SPTB: variants seen among roughly 807,000 people sequenced by gnomAD.
The protein encoded by SPTB is spectrin beta, erythrocytic, also known as spectrin beta chain, erythrocytic.
In SPTB, 45 loss-of-function variants were observed where a neutral mutation model predicts 256.2. The ratio of observed to expected loss-of-function variants is 0.18; its 90% CI spans 0.14 to 0.23. SPTB has a LOEUF of 0.23. Ranked by LOEUF, SPTB falls within the 10% of genes least tolerant of loss-of-function variation. The probability of loss-of-function intolerance (pLI) is 1.00; values close to 1 mark genes in which losing one functional copy is unlikely to be tolerated. For synonymous variants in SPTB, 1,231 were observed against 1,243.1 expected, an observed-to-expected ratio of 0.99 and a Z score of 0.21; for missense variants, 2,715 against 3,040.4, an observed-to-expected ratio of 0.89 and a Z score of 2.52.
rs1408744606 is a variant in SPTB at position 64,784,269 on chromosome 14, C to A, written c.3980G>T (p.Gly1327Val). The A allele has an allele frequency of 1.2e-6, 2 of 1,614,236 alleles. No individual in the cohort carries two copies. The highest frequency in any genetic ancestry group is 1.7e-6 in the Non-Finnish European group (2 of 1,180,048). ...TACCGCATCGATGTTCTCTAGCCAC[C>A]CTTCATGGGAAGCCAGCTCTGCCAC... ...AFVAELASHE[G>V]WLENIDAEGK... Residue 1327 changes from glycine (G) to valine (V), a missense_variant, in exon 19 of 36, where the codon GGG becomes GTG. By Grantham distance (109) the Gly-to-Val change is moderately radical. This residue lies in a region of SPTB where 2,239 missense variants were observed against 2,384.4 expected (regional missense o/e 0.94). Transcript: ENST00000644917.
At chr14:64,766,265 T>A (rs751807290) in intron 32 of SPTB, 9 of 472,054 alleles carry the variant, frequency 1.9e-5, no homozygotes, top group Non-Finnish European at 2.7e-5. Context: ...GGTGTGTATT[T>A]GTGTGTGCAT....
Position 64,796,106 on chromosome 14 carries a change from T to C in SPTB, c.1341+451A>G, listed in dbSNP as rs1458755892. Among the ~76,000 whole-genome samples, 3 of 152,166 alleles carry C rather than the reference T, an allele frequency of 2.0e-5. No homozygotes were observed. The highest frequency in any genetic ancestry group is 7.2e-5 in the African/African-American group (3 of 41,442). ...CCTTTCTGGACAGAATCTAATTTGA[T>C]TCCAAGCTTTAAGTGAGAGGGAACA... On this transcript the variant is annotated intron_variant, in intron 11 of 35. Transcript: ENST00000644917. The surrounding 1 kb of genome is among the most constrained non-coding windows in gnomAD (Gnocchi z 4.1).
rs1003416189 is a variant in SPTB at position 64,847,915 on chromosome 14, C to T, written c.-51-24770G>A. Among the ~76,000 whole-genome samples the T allele has an allele frequency of 2.0e-5, 3 of 152,132 alleles. No individual in the cohort carries two copies. Among genetic ancestry groups the T allele is most frequent in the East Asian group, 1.9e-4 (1 of 5,198 alleles). ...CCACACCTCCGCTTCCTCCACTGTCCGTGGCCAGGTGATCGCATGCATCCT... is the reference window on the plus strand; with the variant it reads ...CCACACCTCCGCTTCCTCCACTGTCTGTGGCCAGGTGATCGCATGCATCCT... On this transcript the variant is annotated intron_variant, in intron 1 of 35. Coordinates refer to ENST00000644917, the MANE Select transcript of SPTB (RefSeq NM_001355436.2). The surrounding 1 kb of genome is among the most constrained non-coding windows in gnomAD (Gnocchi z 5.9).
At chr14:64,771,523 C>A (rs1324312547) in intron 26 of SPTB, among the ~76,000 whole-genome samples, 2 of 152,158 alleles carry the variant, frequency 1.3e-5, no homozygotes, top group African/African-American at 4.8e-5. Context: ...AAACGAGGCA[C>A]AAGGAAGCTA....
rs1308421552 is a variant in SPTB at position 64,853,760 on chromosome 14, T to C, written c.-52+26032A>G. 6.6e-6 allele frequency among the ~76,000 whole-genome samples: 1 copy of C among 152,206 alleles called. No homozygotes were observed. Among genetic ancestry groups the C allele is most frequent in the East Asian group, 1.9e-4 (1 of 5,206 alleles). On this transcript the variant is annotated intron_variant, in intron 1 of 35. Transcript: ENST00000644917. This position sits in a 1 kb window ranked among gnomAD's most constrained non-coding sequence, Gnocchi z 4.3. ...GAGAGGGAAGGATTGAAGATGCAGA[T>C]GTTCTGTGCAGCCCTGAAGTGTTTG...
rs1213885032 is a variant in SPTB, at chr14:64,779,311, C to G, written c.4474-65G>C. ...ACGGCCAACCTTTCCTGAGTGCTCA[C>G]CATGGGCGGCGCAGAGCTTTGCTGG... On this transcript the variant is annotated intron_variant, in intron 21 of 35. Coordinates refer to ENST00000644917, the MANE Select transcript of SPTB (RefSeq NM_001355436.2). This position sits in a 1 kb window ranked among gnomAD's most constrained non-coding sequence, Gnocchi z 4.2. The G allele has an allele frequency of 1.5e-6, 2 of 1,359,620 alleles. No individual in the cohort carries two copies. Among genetic ancestry groups the G allele is most frequent in the Non-Finnish European group, 2.1e-6 (2 of 962,618 alleles). 84.2% of individuals were successfully genotyped at this position (1,359,620 alleles called of 1,614,324 possible). A position where few individuals can be genotyped will look rare whatever the true frequency, so the allele number is the denominator to read the frequency against.
At chr14:64,868,659 G>A (rs1261542236) in intron 1 of SPTB, among the ~76,000 whole-genome samples, 5 of 152,158 alleles carry the variant, frequency 3.3e-5, no homozygotes, top group Admixed American at 3.3e-4. Context: ...AAAAAAGGAG[G>A]GCCCAGGTCA....
intron 4 of SPTB, among the ~76,000 whole-genome samples, 180 bp downstream of exon 4, chr14:64,803,427 T>G (rs1285725144): frequency 6.6e-6 from 1 of 152,168 alleles, no homozygotes; most frequent in Non-Finnish European, 1.5e-5. Flanking sequence ...TGAGCTTCAG[T>G]GACTTGGGGT....
At chr14:64,805,912 C>T (rs138835713) in intron 2 of SPTB, among the ~76,000 whole-genome samples, 7 of 152,248 alleles carry the variant, frequency 4.6e-5, no homozygotes, top group South Asian at 2.1e-4. Flanking sequence ...TGCGGCTTTA[C>T]GCTATCTTTC....
intron 3 of SPTB, among the ~76,000 whole-genome samples, chr14:64,804,147 T>C (rs889913367): frequency 3.3e-5 from 5 of 152,208 alleles, no homozygotes; most frequent in African/African-American, 9.6e-5. Context: ...TTAAGAGTAA[T>C]TTTTAGCTTG....
intron 15 of SPTB, among the ~76,000 whole-genome samples, chr14:64,791,039 C>T (rs1372810141): frequency 6.6e-6 from 1 of 152,234 alleles, no homozygotes; most frequent in Non-Finnish European, 1.5e-5. Context: ...AAGCAATTTT[C>T]TCTGCCCAAG....
In SPTB at chr14:64,787,591, G is replaced by A. The variant is rs56108316; in HGVS notation, c.2805-431C>T. ...CTAGAGGAACCAAGTAAATGCCCAA[G>A]GCCACATGCAACGTCTCCTAGGGCC... On this transcript the variant is annotated intron_variant, in intron 15 of 35. Transcript: ENST00000644917. 4.1e-3 allele frequency among the ~76,000 whole-genome samples: 619 copies of A among 152,306 alleles called. 3 individuals carry two copies. The highest frequency in any genetic ancestry group is 6.5e-3 in the Non-Finnish European group (444 of 68,026).
chr14:64,749,615 CCTT>C lies in SPTB; in HGVS notation c.6819+36_6819+38del, dbSNP rs2081911749. On this transcript the variant is annotated intron_variant, in intron 35 of 35. Transcript: ENST00000644917. The surrounding 1 kb of genome is among the most constrained non-coding windows in gnomAD (Gnocchi z 4.7). Reference sequence around the variant, plus strand: ...GCGGCCTGGGGTCCTCCACCTACCCCCTTCTTAGCCAGGTCTGGGCTAGGCTGC... The same window carrying C: ...GCGGCCTGGGGTCCTCCACCTACCCCCTTAGCCAGGTCTGGGCTAGGCTGC... 10 of 1,612,772 alleles carry C rather than the reference CCTT, an allele frequency of 6.2e-6. No individual in the cohort carries two copies. Among genetic ancestry groups the C allele is most frequent in the South Asian group, 2.2e-5 (2 of 91,074 alleles).
In SPTB at chr14:64,760,723, A is replaced by T. The variant is rs951361728; in HGVS notation, c.6345+6003T>A. ...TCACCTACTCAGTGCCAGCTGCTCT[A>T]CCTACATTGTCTCTTCCAATCCTCC... On this transcript the variant is annotated intron_variant, in intron 32 of 35. Transcript: ENST00000644917. This position sits in a 1 kb window ranked among gnomAD's most constrained non-coding sequence, Gnocchi z 4.3. 3.9e-5 allele frequency among the ~76,000 whole-genome samples: 6 copies of T among 152,182 alleles called. No individual in the cohort carries two copies. The highest frequency in any genetic ancestry group is 8.8e-5 in the Non-Finnish European group (6 of 68,030).
Position 64,795,375 on chromosome 14 carries a change from C to G in SPTB, c.1606G>C (p.Asp536His). Residue 536 changes from aspartate (D) to histidine (H), a missense_variant, in exon 12 of 36, where the codon GAC (aspartate) becomes CAC (histidine). Transcript: ENST00000644917. The surrounding 1 kb of genome is among the most constrained non-coding windows in gnomAD (Gnocchi z 6.5). ...ATCCAGTCGATGCTGTGCAGCATGT[C>G]CTGGAAGAGCTTCTGCAGTGCCAGG... is the stretch of plus-strand genomic sequence containing the variant. ...TTLALQKLFQ[D>H]MLHSIDWMDE... The G allele has an allele frequency of 6.2e-7, 1 of 1,613,460 alleles. No homozygotes were observed. The highest frequency in any genetic ancestry group is 8.5e-7 in the Non-Finnish European group (1 of 1,180,024).
chr14:64,825,694 G>C lies in SPTB; in HGVS notation c.-51-2549C>G, dbSNP rs922992585. Among the ~76,000 whole-genome samples, 3 of 152,264 alleles carry C rather than the reference G, an allele frequency of 2.0e-5. No individual in the cohort carries two copies. Among genetic ancestry groups the C allele is most frequent in the African/African-American group, 7.2e-5 (3 of 41,470 alleles). On this transcript the variant is annotated intron_variant, in intron 1 of 35. Coordinates refer to ENST00000644917, the MANE Select transcript of SPTB (RefSeq NM_001355436.2). The surrounding 1 kb of genome is among the most constrained non-coding windows in gnomAD (Gnocchi z 4.8). ...GGGCTATTTTTAAGAGTGGCTGAGA[G>C]AGGCCTGGGCCGTGGGGCTGGAGAG...
Position 64,785,197 on chromosome 14 carries a change from C to A in SPTB, c.3855+340G>T, listed in dbSNP as rs531179612. Among the ~76,000 whole-genome samples the A allele has an allele frequency of 2.0e-5, 3 of 152,256 alleles. No individual in the cohort carries two copies. In the East Asian group the frequency reaches 5.8e-4, roughly 29 times the overall value. ...GTAGAGCATTAACCTGAGCCCAGGG[C>A]CCTTCTAAGCAAAGCACAGGGTGTG... On this transcript the variant is annotated intron_variant, in intron 18 of 35. Coordinates refer to ENST00000644917, the MANE Select transcript of SPTB (RefSeq NM_001355436.2). The surrounding 1 kb of genome is among the most constrained non-coding windows in gnomAD (Gnocchi z 4.4).
chr14:64,809,344 T>C (rs976953938), intron 2 of SPTB, among the ~76,000 whole-genome samples: 1 of 149,432 alleles, frequency 6.7e-6, no homozygotes, highest in African/African-American at 2.5e-5. Context: ...AGGTTTTTGG[T>C]TTATTTATTT....
intron 32 of SPTB, chr14:64,755,725 A>G (rs1411968890): frequency 1.3e-5 from 2 of 152,074 alleles, no homozygotes; most frequent in Admixed American, 6.6e-5. Context: ...AGCAGAGAGG[A>G]GGGGAAATAT....
Sources: allele counts gnomAD v4.1 joint callset (sites outside exome capture counted in the v4.1 genomes callset), GRCh38; gene constraint gnomAD v4.1.1; regional missense constraint gnomAD v4.1.1; non-coding constraint Gnocchi (gnomAD v3.1); transcripts MANE v1.5; gene names NCBI Gene and HGNC (gene_info 2026-07-23, HGNC 2026-07-21).